The following COL8A1 variants were observed in gnomAD, a reference collection of about 807,000 sequenced individuals.
COL8A1 encodes the protein collagen type VIII alpha 1 chain.
A neutral mutation model predicts 42.7 loss-of-function variants in COL8A1; 21 were observed. The ratio of observed to expected loss-of-function variants is 0.49; its 90% CI spans 0.35 to 0.71. COL8A1 has a LOEUF of 0.71. Among genes scored for constraint, COL8A1 ranks in the 30% least tolerant of loss-of-function variants. The pLI, the probability that COL8A1 is intolerant of heterozygous loss-of-function variation, is 0.01. For missense variants in COL8A1, 788 were observed against 962.4 expected, an observed-to-expected ratio of 0.82 and a Z score of 2.40; for synonymous variants, 367 against 369.1, an observed-to-expected ratio of 0.99 and a Z score of 0.06.
intron 2 of COL8A1, among the ~76,000 whole-genome samples, chr3:99,769,875 C>T (rs1025557570): frequency 3.9e-5 from 6 of 152,148 alleles, no homozygotes; most frequent in Non-Finnish European, 4.4e-5. Flanking sequence ...GCTGAAATGG[C>T]GCCATTGCAC....
At chr3:99,788,346 C>T (rs566855415) in intron 2 of COL8A1, among the ~76,000 whole-genome samples, 1 of 152,338 alleles carries the variant, frequency 6.6e-6, no homozygotes, top group East Asian at 1.9e-4. Flanking sequence ...ATTTCATCTC[C>T]TTCCAGTTTT....
chr3:99,717,900 A>G (rs567078335), intron 1 of COL8A1, among the ~76,000 whole-genome samples: 3 of 152,140 alleles, frequency 2.0e-5, no homozygotes, highest in Admixed American at 6.6e-5. Context: ...TTGCTATTCA[A>G]GGTTACCCTT....
At chr3:99,652,036 A>T (rs1937863696) in intron 1 of COL8A1, among the ~76,000 whole-genome samples, 1 of 152,256 alleles carries the variant, frequency 6.6e-6, no homozygotes. Flanking sequence ...AATGGTAAAG[A>T]TAGCAATAAC....
intron 2 of COL8A1, among the ~76,000 whole-genome samples, chr3:99,745,313 C>T: frequency 6.6e-6 from 1 of 152,174 alleles, no homozygotes; most frequent in Non-Finnish European, 1.5e-5. Context: ...TTCCATAGAA[C>T]TTGACTAGGT....
chr3:99,750,938 G>A (rs1941134196), intron 2 of COL8A1, among the ~76,000 whole-genome samples: 1 of 152,060 alleles, frequency 6.6e-6, no homozygotes, highest in Non-Finnish European at 1.5e-5. Context: ...CTTAAAACTG[G>A]CCTTATGATT....
At chr3:99,790,198 T>C (rs1226662062) in intron 2 of COL8A1, among the ~76,000 whole-genome samples, 1 of 152,232 alleles carries the variant, frequency 6.6e-6, no homozygotes, top group Non-Finnish European at 1.5e-5. Flanking sequence ...GTCCAAGATG[T>C]GTGGTCTGTT....
intron 1 of COL8A1, among the ~76,000 whole-genome samples, chr3:99,734,817 T>A (rs1173304057): frequency 6.6e-6 from 1 of 152,126 alleles, no homozygotes; most frequent in Non-Finnish European, 1.5e-5. Context: ...GTATCCTCTT[T>A]TATTTCCTTG....
At chr3:99,697,307 G>T (rs2107342252) in intron 1 of COL8A1, among the ~76,000 whole-genome samples, 1 of 152,288 alleles carries the variant, frequency 6.6e-6, no homozygotes, top group Non-Finnish European at 1.5e-5. Context: ...ATAACACAAA[G>T]AACTTGAGTG....
chr3:99,679,459 C>T (rs1233229306), intron 1 of COL8A1: 1 of 152,144 alleles, frequency 6.6e-6, no homozygotes, highest in Non-Finnish European at 1.5e-5. Flanking sequence ...AAGTCTCCCT[C>T]TGTCCTTCTA....
intron 1 of COL8A1, among the ~76,000 whole-genome samples, chr3:99,731,522 C>T (rs1940509224): frequency 6.6e-6 from 1 of 152,052 alleles, no homozygotes; most frequent in Non-Finnish European, 1.5e-5. Context: ...TAGATTCATT[C>T]TCAGTGCCAT....
chr3:99,672,517 A>G (rs1938577255), intron 1 of COL8A1, among the ~76,000 whole-genome samples: 1 of 151,566 alleles, frequency 6.6e-6, no homozygotes, highest in African/African-American at 2.4e-5. Context: ...TTTTTAATAA[A>G]TATATTTTAT....
rs988396043 is a variant in COL8A1 at position 99,797,027 on chromosome 3, T to A, written c.*891T>A. 1.3e-5 allele frequency: 2 copies of A among 152,166 alleles called. No homozygotes were observed. The highest frequency in any genetic ancestry group is 1.3e-4 in the Admixed American group (2 of 15,274). 9.4% of individuals were successfully genotyped at this position (152,166 alleles called of 1,614,324 possible). ...CTATGGCCCAACTAATATAAACACC[T>A]GGAAATTACAAGGAAAAAAAATTCT... On this transcript the variant is annotated 3_prime_UTR_variant, in exon 4 of 4. Transcript: ENST00000652472.
intron 2 of COL8A1, among the ~76,000 whole-genome samples, chr3:99,767,408 C>T (rs1342173515): frequency 6.6e-6 from 1 of 152,152 alleles, no homozygotes; most frequent in Non-Finnish European, 1.5e-5. Context: ...GTTTTTAAAA[C>T]CTCATATGTC....
At chr3:99,699,401 G>A (rs997509296) in intron 1 of COL8A1, among the ~76,000 whole-genome samples, 1 of 152,164 alleles carries the variant, frequency 6.6e-6, no homozygotes, top group Non-Finnish European at 1.5e-5. Context: ...AGCTTAGAGG[G>A]ACTAAATCTG....
chr3:99,661,966 G>C (rs1452757759), intron 1 of COL8A1, among the ~76,000 whole-genome samples: 9 of 152,122 alleles, frequency 5.9e-5, no homozygotes. Context: ...AGGGAAGGAG[G>C]AAATGGGGAG....
intron 1 of COL8A1, among the ~76,000 whole-genome samples, chr3:99,655,897 AG>A (rs770878262): frequency 5.9e-5 from 9 of 152,218 alleles, no homozygotes; most frequent in Non-Finnish European, 7.3e-5. Flanking sequence ...CACTGACAGA[AG>A]GAAGAAAGAA....
intron 2 of COL8A1, among the ~76,000 whole-genome samples, chr3:99,745,977 A>G (rs1576460889): frequency 6.6e-6 from 1 of 152,148 alleles, no homozygotes; most frequent in East Asian, 1.9e-4. Context: ...GATATATAAT[A>G]GTACAATGGT....
chr3:99,703,376 C>A (rs905880702), intron 1 of COL8A1: 3 of 152,140 alleles, frequency 2.0e-5, no homozygotes, highest in Non-Finnish European at 4.4e-5. Flanking sequence ...CCCTGGCAGC[C>A]GGCTCTGGAG....
At chr3:99,792,834 G>T (rs1345311550) in intron 3 of COL8A1, among the ~76,000 whole-genome samples, 1 of 152,144 alleles carries the variant, frequency 6.6e-6, no homozygotes, top group African/African-American at 2.4e-5. Context: ...TTGAGGCTTA[G>T]GAAATCCCAC....
Sources: allele counts gnomAD v4.1 joint callset (sites outside exome capture counted in the v4.1 genomes callset), GRCh38; gene constraint gnomAD v4.1.1; transcripts MANE v1.5; gene names NCBI Gene and HGNC (gene_info 2026-07-23, HGNC 2026-07-21).